The following MGA variants were observed in gnomAD, a reference collection of about 807,000 sequenced individuals.
The protein encoded by MGA is MAX gene-associated protein.
In MGA, 40 loss-of-function variants were observed where a neutral mutation model predicts 261.1. The observed-to-expected ratio is 0.15, with a 90% CI of 0.12 to 0.20. The LOEUF (loss-of-function observed/expected upper bound fraction) is 0.20. Ranked by LOEUF, MGA falls within the 10% of genes least tolerant of loss-of-function variation. The pLI is 1.00. For missense variants in MGA, 3,397 were observed against 3,630.5 expected, an observed-to-expected ratio of 0.94 and a Z score of 1.65; for synonymous variants, 1,302 against 1,290.6, an observed-to-expected ratio of 1.01 and a Z score of -0.19.
intron 10 of MGA, 106 bp downstream of exon 10, chr15:41,727,512 C>A: frequency 9.6e-7 from 1 of 1,045,772 alleles, no homozygotes; most frequent in Non-Finnish European, 1.4e-6. Flanking sequence ...ATTTTGCTTT[C>A]AGTAATATGT....
At chr15:41,724,429 G>A (rs2061117551) in intron 9 of MGA, among the ~76,000 whole-genome samples, 2 of 152,042 alleles carry the variant, frequency 1.3e-5, no homozygotes, top group African/African-American at 2.4e-5. Context: ...TTTATTCATT[G>A]TTGTATCTGC....
At chr15:41,713,793 C>T (rs2060496339) in intron 9 of MGA, among the ~76,000 whole-genome samples, 3 of 152,032 alleles carry the variant, frequency 2.0e-5, no homozygotes, top group East Asian at 1.9e-4. Context: ...CTGGATTGTG[C>T]GCATGTGCAC....
At chr15:41,761,920 T>A in intron 21 of MGA, 70 bp downstream of exon 21, 1 of 1,212,948 alleles carries the variant, frequency 8.2e-7, no homozygotes, top group Non-Finnish European at 1.2e-6. Context: ...CCTCAGTAGA[T>A]CTTTCAGATA....
At chr15:41,756,100 A>T (rs2063135397) in intron 18 of MGA, among the ~76,000 whole-genome samples, 1 of 152,250 alleles carries the variant, frequency 6.6e-6, no homozygotes, top group Non-Finnish European at 1.5e-5. Flanking sequence ...AAGAATTGAA[A>T]AATTCTGTCA....
chr15:41,712,514 G>A (rs2060439880), intron 8 of MGA, among the ~76,000 whole-genome samples: 2 of 152,088 alleles, frequency 1.3e-5, no homozygotes, highest in Non-Finnish European at 2.9e-5. Flanking sequence ...CACTGCGCCT[G>A]GCCTTCATCA....
In MGA at chr15:41,749,871, C is replaced by T; in HGVS notation, c.6264C>T (p.Thr2088=). The change falls in exon 17 of 24, where the codon ACC becomes ACT. Residue 2088 remains threonine (T), a synonymous_variant. Transcript: ENST00000219905. The stretch of plus-strand genomic sequence containing the variant: ...AAGTGGCTGTTCTGGAAGTTAGGAC[C>T]ATTTCTGAAAAAGCCAGTAATAAGA... 6.2e-7 allele frequency: 1 copy of T among 1,613,862 alleles called. No individual in the cohort carries two copies. Among genetic ancestry groups the T allele is most frequent in the Non-Finnish European group, 8.5e-7 (1 of 1,179,860 alleles).
At position 41,756,980 on chromosome 15, in the gene MGA, G is replaced by GATATAT. The variant is rs10649888; in HGVS notation, c.7140-797_7140-792dup. ...TTTAAAGTGGTACTTTTTTTGTTTA[G>GATATAT]ATATATATATATATATTTCTAGTAA... is the stretch of plus-strand genomic sequence containing the variant. On this transcript the variant is annotated intron_variant, in intron 18 of 23. Transcript: ENST00000219905. Among the ~76,000 whole-genome samples, 17 of 149,894 alleles carry GATATAT rather than the reference G, an allele frequency of 1.1e-4. No individual in the cohort carries two copies. In the East Asian group the frequency reaches 1.4e-3, roughly 12 times the overall value.
At chr15:41,624,794 C>T (rs984413764) in intron 1 of MGA, among the ~76,000 whole-genome samples, 4 of 152,066 alleles carry the variant, frequency 2.6e-5, no homozygotes, top group Non-Finnish European at 4.4e-5. Flanking sequence ...AAATATAAAA[C>T]GTGAAATCAG....
chr15:41,642,397 C>T (rs1442246166), intron 1 of MGA, among the ~76,000 whole-genome samples: 1 of 151,338 alleles, frequency 6.6e-6, no homozygotes, highest in Non-Finnish European at 1.5e-5. Flanking sequence ...GCAACTTCCA[C>T]CTCCCGGGTT....
At chr15:41,686,592 A>T (rs1349290253) in intron 2 of MGA, among the ~76,000 whole-genome samples, 1 of 151,900 alleles carries the variant, frequency 6.6e-6, no homozygotes, top group Non-Finnish European at 1.5e-5. Context: ...CTCATTCTGT[A>T]TTTTTTATAG....
At position 41,750,110 on chromosome 15, in the gene MGA, A is replaced by G; in HGVS notation, c.6503A>G (p.Glu2168Gly). ...GAGAAGGAATGTGGAGACTCTCTGG[A>G]GAAAGACAGGGAAAGATGGAGAAAA... The change falls in exon 17 of 24, where the codon GAG (glutamate) becomes GGG (glycine). Residue 2168 changes from glutamate to glycine, a missense_variant. By Grantham distance (98) the Glu-to-Gly change is moderately conservative (BLOSUM62 -2). Transcript: ENST00000219905. 1.2e-6 allele frequency: 2 copies of G among 1,613,508 alleles called. No homozygotes were observed. The highest frequency in any genetic ancestry group is 1.1e-5 in the South Asian group (1 of 91,052).
At chr15:41,696,033 C>A (rs2059538248) in intron 2 of MGA, 42 bp from the exon 3 acceptor site, 2 of 1,304,058 alleles carry the variant, frequency 1.5e-6, no homozygotes, top group South Asian at 1.6e-5. Context: ...GTTAATGGAT[C>A]ATTTTGTACT....
intron 2 of MGA, among the ~76,000 whole-genome samples, chr15:41,679,122 G>T (rs1321411036): frequency 6.8e-6 from 1 of 146,768 alleles, no homozygotes; most frequent in African/African-American, 2.5e-5. Context: ...TGCAACCTCC[G>T]CCTCCTGTGT....
At chr15:41,692,454 T>C (rs1255746758) in intron 2 of MGA, among the ~76,000 whole-genome samples, 2 of 152,200 alleles carry the variant, frequency 1.3e-5, no homozygotes, top group Admixed American at 6.5e-5. Context: ...CCTTTGCCTA[T>C]AGTTGCTTTT....
intron 1 of MGA, among the ~76,000 whole-genome samples, chr15:41,622,373 A>C (rs915004433): frequency 4.6e-5 from 7 of 152,070 alleles, no homozygotes; most frequent in African/African-American, 1.7e-4. Context: ...AATTCTTAAA[A>C]ATTATAATGA....
At chr15:41,765,155 G>C in intron 23 of MGA, 93 bp downstream of exon 23, 1 of 1,380,226 alleles carries the variant, frequency 7.2e-7, no homozygotes, top group Non-Finnish European at 1.0e-6. Flanking sequence ...GTTCTGTAAT[G>C]ATAAAGAGCT....
chr15:41,683,183 T>C (rs1399410272), intron 2 of MGA, among the ~76,000 whole-genome samples: 1 of 152,172 alleles, frequency 6.6e-6, no homozygotes, highest in Non-Finnish European at 1.5e-5. Flanking sequence ...ATTTCAGTTA[T>C]AAACCTTGGT....
At chr15:41,657,713 CTCAG>C (rs1237470249), upstream of MGA, among the ~76,000 whole-genome samples, 4 of 152,006 alleles carry the variant, frequency 2.6e-5, no homozygotes, top group African/African-American at 4.8e-5. Context: ...TCTTTTGCAA[CTCAG>C]TCTGTATGTA....
intron 15 of MGA, among the ~76,000 whole-genome samples, chr15:41,745,270 A>C (rs1458299990): frequency 7.1e-6 from 1 of 141,068 alleles, no homozygotes; most frequent in East Asian, 2.1e-4. Context: ...GAAACACCCA[A>C]GAATGATCAA....
Sources: allele counts gnomAD v4.1 joint callset (sites outside exome capture counted in the v4.1 genomes callset), GRCh38; gene constraint gnomAD v4.1.1; transcripts MANE v1.5; gene names NCBI Gene and HGNC (gene_info 2026-07-23, HGNC 2026-07-21).